Variants in NCAM2 observed in about 807,000 individuals in gnomAD.
NCAM2 encodes the protein N-CAM-2.
Under a neutral mutation model 98.1 loss-of-function variants are expected in NCAM2, and 30 were observed. The observed-to-expected ratio is 0.31, with a 90% confidence interval of 0.23 to 0.41. NCAM2 has a LOEUF of 0.41. Ranked by LOEUF, NCAM2 falls within the 10% of genes least tolerant of loss-of-function variation. The pLI is 1.00. For synonymous variants in NCAM2, 368 were observed against 342.4 expected, an observed-to-expected ratio of 1.07 and a Z score of -0.83; for missense variants, 867 against 1,005.8, an observed-to-expected ratio of 0.86 and a Z score of 1.87.
At chr21:21,358,975 G>A (rs1028775134) in intron 8 of NCAM2, among the ~76,000 whole-genome samples, 5 of 151,930 alleles carry the variant, frequency 3.3e-5, no homozygotes, top group Admixed American at 6.6e-5. Context: ...AAATCAATTA[G>A]TAAGGAAAGC....
At chr21:21,461,265 A>G (rs992819319) in intron 12 of NCAM2, among the ~76,000 whole-genome samples, 4 of 151,968 alleles carry the variant, frequency 2.6e-5, no homozygotes, top group African/African-American at 9.7e-5. Flanking sequence ...ATTTTGTTCA[A>G]TGAAACTGTT....
At chr21:21,282,909 T>G (rs1297094743) in intron 2 of NCAM2, among the ~76,000 whole-genome samples, 1 of 151,854 alleles carries the variant, frequency 6.6e-6, no homozygotes, top group Non-Finnish European at 1.5e-5. Flanking sequence ...TGTTCTATTA[T>G]ATTAAGAATG....
chr21:21,538,019 A>C lies in NCAM2; in HGVS notation c.*62A>C. On this transcript the variant is annotated 3_prime_UTR_variant, in exon 18 of 18. Transcript: ENST00000400546. Reference sequence around the variant, plus strand: ...AGTATTTGGATTGCGTGACCCTATGACCAAAACTATTCCATTGACCTTAAT... The same window carrying C: ...AGTATTTGGATTGCGTGACCCTATGCCCAAAACTATTCCATTGACCTTAAT... The C allele has an allele frequency of 2.2e-6, 2 of 929,674 alleles. No individual in the cohort carries two copies. The highest frequency in any genetic ancestry group is 3.2e-6 in the Non-Finnish European group (2 of 628,186). 57.6% of individuals were successfully genotyped at this position (929,674 alleles called of 1,614,324 possible). A position where few individuals can be genotyped will look rare whatever the true frequency, so the allele number is the denominator to read the frequency against.
chr21:21,418,988 G>A (rs1381580022), intron 11 of NCAM2, among the ~76,000 whole-genome samples: 1 of 152,074 alleles, frequency 6.6e-6, no homozygotes, highest in African/African-American at 2.4e-5. Flanking sequence ...CATGTTCCCT[G>A]TAAATATGTA....
chr21:21,136,324 C>T (rs891055272), intron 1 of NCAM2, among the ~76,000 whole-genome samples: 5 of 152,264 alleles, frequency 3.3e-5, no homozygotes, highest in Admixed American at 2.0e-4. Flanking sequence ...GCCATGTATC[C>T]AGAAGGGAAA....
intron 1 of NCAM2, among the ~76,000 whole-genome samples, chr21:21,034,522 G>A (rs1288465615): frequency 6.6e-6 from 1 of 151,994 alleles, no homozygotes; most frequent in African/African-American, 2.4e-5. Context: ...TTTACATCAA[G>A]GTGTCTTCCT....
At chr21:21,181,392 A>C (rs563937545) in intron 1 of NCAM2, among the ~76,000 whole-genome samples, 2 of 152,288 alleles carry the variant, frequency 1.3e-5, no homozygotes, top group East Asian at 3.9e-4. Context: ...ATTTGGTATG[A>C]GAATGAAATA....
At chr21:21,202,403 A>G (rs2069259983) in intron 1 of NCAM2, among the ~76,000 whole-genome samples, 1 of 132,660 alleles carries the variant, frequency 7.5e-6, no homozygotes, top group East Asian at 2.2e-4. Flanking sequence ...TATAAAGCAA[A>G]TATCCTTTTT....
At chr21:21,175,489 T>C (rs2408005) in intron 1 of NCAM2, among the ~76,000 whole-genome samples, 139,042 of 152,154 alleles carry the variant, frequency 0.91, 63,777 homozygotes, top group Non-Finnish European at 0.96. Flanking sequence ...GCTGAGATCG[T>C]GCCACTGCAC....
chr21:21,435,739 A>G (rs370894378), intron 12 of NCAM2, among the ~76,000 whole-genome samples: 1 of 152,088 alleles, frequency 6.6e-6, no homozygotes, highest in Non-Finnish European at 1.5e-5. Context: ...TGCTGGTACT[A>G]TTCTTTCTAC....
At chr21:21,107,708 T>C (rs902717618) in intron 1 of NCAM2, among the ~76,000 whole-genome samples, 4 of 152,128 alleles carry the variant, frequency 2.6e-5, no homozygotes, top group East Asian at 1.9e-4. Flanking sequence ...CAAACTATTT[T>C]ATAGAAAATG....
chr21:21,014,564 A>G (rs528715342), intron 1 of NCAM2, among the ~76,000 whole-genome samples: 3 of 152,316 alleles, frequency 2.0e-5, no homozygotes, highest in Non-Finnish European at 4.4e-5. Context: ...ACTTCTCAGA[A>G]AAGAAAAAAG....
intron 15 of NCAM2, among the ~76,000 whole-genome samples, chr21:21,488,279 A>C (rs1986561161): frequency 1.7e-5 from 1 of 57,766 alleles, no homozygotes; most frequent in South Asian, 4.0e-4. Context: ...GGAAACCATT[A>C]TAATTAATTA....
intron 1 of NCAM2, among the ~76,000 whole-genome samples, chr21:21,099,929 C>T (rs2066206138): frequency 6.6e-6 from 1 of 151,786 alleles, no homozygotes; most frequent in East Asian, 1.9e-4. Flanking sequence ...CTTTTGCTTT[C>T]TATTGATCAG....
intron 1 of NCAM2, among the ~76,000 whole-genome samples, chr21:21,065,737 T>G (rs1459150020): frequency 1.3e-5 from 2 of 152,204 alleles, no homozygotes; most frequent in Non-Finnish European, 2.9e-5. Flanking sequence ...ATAGAAGTGC[T>G]TCGTTATTTT....
In NCAM2 at chr21:21,245,468, G is replaced by C. The variant is rs554809651; in HGVS notation, c.56-35110G>C. On this transcript the variant is annotated intron_variant, in intron 1 of 17. Transcript: ENST00000400546. ...TTTCGCTGTCCTTGGATGTACATGGGAAGTTGTTTTCTCACACAGACAGAA... is the reference window on the plus strand; with the variant it reads ...TTTCGCTGTCCTTGGATGTACATGGCAAGTTGTTTTCTCACACAGACAGAA... Among the ~76,000 whole-genome samples the C allele has an allele frequency of 6.6e-5, 10 of 152,278 alleles. No homozygotes were observed. The South Asian group carries it at 2.1e-3, about 32-fold the overall frequency.
At chr21:21,395,845 C>T (rs1248849767) in intron 9 of NCAM2, among the ~76,000 whole-genome samples, 1 of 152,036 alleles carries the variant, frequency 6.6e-6, no homozygotes, top group Non-Finnish European at 1.5e-5. Flanking sequence ...CATCTCTCAC[C>T]TTAAACAAAA....
intron 9 of NCAM2, among the ~76,000 whole-genome samples, chr21:21,404,577 G>C (rs1249419770): frequency 1.3e-5 from 2 of 151,906 alleles, no homozygotes; most frequent in African/African-American, 4.8e-5. Flanking sequence ...AGTTTTGAAT[G>C]TCTTTATCAG....
intron 6 of NCAM2, among the ~76,000 whole-genome samples, chr21:21,332,642 C>G (rs991726390): frequency 3.3e-5 from 5 of 152,158 alleles, no homozygotes; most frequent in Non-Finnish European, 7.4e-5. Context: ...GCTCTGTTGT[C>G]TGTGCAGCTG....
Sources: allele counts gnomAD v4.1 joint callset (sites outside exome capture counted in the v4.1 genomes callset), GRCh38; gene constraint gnomAD v4.1.1; transcripts MANE v1.5; gene names NCBI Gene and HGNC (gene_info 2026-07-23, HGNC 2026-07-21).